CBL: variants seen among roughly 807,000 people sequenced by gnomAD.
CBL encodes the protein Cbl proto-oncogene.
Under a neutral mutation model 96.9 loss-of-function variants are expected in CBL, and 45 were observed. That is an observed-to-expected ratio of 0.46 (90% CI 0.37 to 0.60). The LOEUF is 0.60. Ranked by LOEUF, CBL falls within the 20% of genes least tolerant of loss-of-function variation. The pLI is 0.00. For missense variants in CBL, 1,024 were observed against 1,143.5 expected (o/e 0.90, Z 1.51); for synonymous variants, 420 against 426.8 (o/e 0.98, Z 0.20).
At chr11:119,281,699 A>C (rs957681062) in intron 9 of CBL, among the ~76,000 whole-genome samples, 1 of 151,884 alleles carries the variant, frequency 6.6e-6, no homozygotes, top group Non-Finnish European at 1.5e-5. Flanking sequence ...GGGTTTCACC[A>C]TGTTAGCCAG....
intron 1 of CBL, among the ~76,000 whole-genome samples, chr11:119,225,724 CTTTTTTTTT>C (rs57084908): frequency 1.1e-4 from 11 of 102,464 alleles, no homozygotes; most frequent in East Asian, 3.0e-4. Context: ...TAAATATTTT[CTTTTTTTTT>C]TTTTTTTTTT....
At chr11:119,258,761 C>T (rs1443763542) in intron 2 of CBL, among the ~76,000 whole-genome samples, 2 of 152,048 alleles carry the variant, frequency 1.3e-5, no homozygotes, top group East Asian at 3.9e-4. Context: ...GCTTTTCAGG[C>T]TCTTTTTTGG....
At chr11:119,299,076 A>G (rs1264741640) in intron 15 of CBL, among the ~76,000 whole-genome samples, 1 of 152,230 alleles carries the variant, frequency 6.6e-6, no homozygotes, top group Admixed American at 6.5e-5. Flanking sequence ...TCGCTTGCCC[A>G]GACGAGCAAT....
chr11:119,295,699 C>A (rs184944515), intron 12 of CBL, among the ~76,000 whole-genome samples: 4 of 152,080 alleles, frequency 2.6e-5, no homozygotes, highest in African/African-American at 7.2e-5. Context: ...TGTGCTCCAG[C>A]GAAAAATCTA....
chr11:119,217,898 C>A (rs1295278396), intron 1 of CBL, among the ~76,000 whole-genome samples: 1 of 151,870 alleles, frequency 6.6e-6, no homozygotes, highest in Non-Finnish European at 1.5e-5. Context: ...TAGTTAGAAC[C>A]CCATCTCTAC....
chr11:119,265,574 G>A (rs567586324), intron 2 of CBL, among the ~76,000 whole-genome samples: 23 of 152,142 alleles, frequency 1.5e-4, no homozygotes, highest in African/African-American at 4.3e-4. Flanking sequence ...AATATAGTGA[G>A]ACCCCCATCA....
chr11:119,267,686 A>G (rs1413256018), intron 2 of CBL, among the ~76,000 whole-genome samples: 1 of 152,222 alleles, frequency 6.6e-6, no homozygotes, highest in African/African-American at 2.4e-5. Flanking sequence ...CATAAAAGCA[A>G]GAATTTTATT....
intron 9 of CBL, among the ~76,000 whole-genome samples, chr11:119,284,164 C>G (rs764734324): frequency 6.6e-6 from 1 of 151,994 alleles, no homozygotes; most frequent in African/African-American, 2.4e-5. Flanking sequence ...TACCGACTCT[C>G]ATCTTCTTTC....
At chr11:119,297,241 A>G (rs895782771) in intron 13 of CBL, 143 bp from the exon 14 acceptor site, 1 of 780,196 alleles carries the variant, frequency 1.3e-6, no homozygotes, top group African/African-American at 1.7e-5. Flanking sequence ...GAACCTCAAA[A>G]ACACATACAC....
intron 1 of CBL, among the ~76,000 whole-genome samples, chr11:119,217,747 T>C (rs1592370121): frequency 6.6e-6 from 1 of 152,118 alleles, no homozygotes. Context: ...TATGATGTTC[T>C]TCAACTATGA....
In CBL at chr11:119,277,754, C is replaced by T. The variant is rs761928400; in HGVS notation, c.1008-3C>T. The T allele has an allele frequency of 4.3e-6, 7 of 1,610,120 alleles. No homozygotes were observed. The highest frequency in any genetic ancestry group is 2.2e-5 in the East Asian group (1 of 44,854). The stretch of plus-strand genomic sequence containing the variant: ...AAAACCCAGGGTTGGTTACTCTTTA[C>T]AGCTATTTGTTTCCTGATGGACGAA... On this transcript the variant is annotated splice_region_variant and splice_polypyrimidine_tract_variant and intron_variant, in intron 6 of 15. Transcript: ENST00000264033.
At chr11:119,240,475 AAAGTTTGGTCTCTATT>A (rs1433895053) in intron 2 of CBL, among the ~76,000 whole-genome samples, 2 of 152,192 alleles carry the variant, frequency 1.3e-5, no homozygotes, top group African/African-American at 4.8e-5. Context: ...AAATTGCAGA[AAAGTTTGGTCTCTATT>A]ACACCCAAGT....
chr11:119,250,956 T>TA (rs894034957), intron 2 of CBL, among the ~76,000 whole-genome samples: 5 of 152,008 alleles, frequency 3.3e-5, no homozygotes, highest in Non-Finnish European at 7.4e-5. Context: ...GTCTCAAAAA[T>TA]AAAAAAATAT....
chr11:119,210,700 C>G (rs1949309652), intron 1 of CBL, among the ~76,000 whole-genome samples: 1 of 149,658 alleles, frequency 6.7e-6, no homozygotes, highest in Non-Finnish European at 1.5e-5. Flanking sequence ...CTGCCCACCT[C>G]AGCCTCCCAA....
chr11:119,218,210 A>G (rs927926246), intron 1 of CBL, among the ~76,000 whole-genome samples: 2 of 152,218 alleles, frequency 1.3e-5, no homozygotes, highest in Non-Finnish European at 2.9e-5. Context: ...CGGCACTCAC[A>G]CTTACAATTT....
Position 119,206,697 on chromosome 11 carries a change from G to C in CBL, c.195+85G>C, listed in dbSNP as rs963319181. On this transcript the variant is annotated intron_variant, in intron 1 of 15. Transcript: ENST00000264033. ...AGGGGAACGAGCGGACGGAGGAAGC[G>C]GGGGAGGGGACGGGTCTGGTGAAGC... is the stretch of plus-strand genomic sequence containing the variant. The C allele has an allele frequency of 3.6e-5, 51 of 1,410,002 alleles. No homozygotes were observed. The Admixed American group carries it at 7.1e-4, about 20-fold the overall frequency. The allele number at this position is 1,410,002 out of a possible 1,614,324, so 87.3% of individuals were successfully genotyped here.
chr11:119,301,004 T>C lies in CBL; in HGVS notation c.*1223T>C, dbSNP rs1445104148. ...GGTTATATTTTCAGCAGTGGTTTTT[T>C]CCTTTGCCCTTTAAGGAGTGGGGAT... On this transcript the variant is annotated 3_prime_UTR_variant, in exon 16 of 16. Coordinates refer to ENST00000264033, the MANE Select transcript of CBL (RefSeq NM_005188.4). The C allele has an allele frequency of 8.5e-6, 2 of 234,068 alleles. No individual in the cohort carries two copies. Among genetic ancestry groups the C allele is most frequent in the African/African-American group, 4.4e-5 (2 of 45,384 alleles). 14.5% of individuals were successfully genotyped at this position (234,068 alleles called of 1,614,324 possible).
In CBL at chr11:119,285,218, A is replaced by G. The variant is rs771252972; in HGVS notation, c.1593A>G (p.Lys531=). Residue 531 remains lysine, a synonymous_variant, in exon 11 of 16, where the codon AAA becomes AAG. Coordinates refer to ENST00000264033, the MANE Select transcript of CBL (RefSeq NM_005188.4). ...CTTCTGGCTCCCTTCATAAAGACAA[A>G]CCATTGCCAGTACCTCCCACACTTC... is the stretch of plus-strand genomic sequence containing the variant. ...KAASGSLHKD[K]PLPVPPTLRD... The G allele has an allele frequency of 6.2e-7, 1 of 1,613,962 alleles. No homozygotes were observed. Among genetic ancestry groups the G allele is most frequent in the Admixed American group, 1.7e-5 (1 of 59,990 alleles).
At chr11:119,268,606 T>G (rs940557792) in intron 2 of CBL, among the ~76,000 whole-genome samples, 1 of 152,200 alleles carries the variant, frequency 6.6e-6, no homozygotes, top group Non-Finnish European at 1.5e-5. Context: ...GGGCATTGTT[T>G]GCTAAGTAGT....
Sources: gnomAD v4.1 joint callset for allele counts (sites outside exome capture counted in the v4.1 genomes callset) on GRCh38, gnomAD v4.1.1 for gene constraint, MANE v1.5 for transcripts, NCBI Gene and HGNC (gene_info 2026-07-23, HGNC 2026-07-21) for gene names.